Variants in SLC35D4 observed in about 807,000 individuals in gnomAD.
SLC35D4 encodes solute carrier family 35 member D4.
At chr18:23,393,236 G>A in the SLC35D4 span, among the ~76,000 whole-genome samples, 4 of 149,342 alleles carry the variant, frequency 2.7e-5, no homozygotes, top group Admixed American at 2.7e-4. Context: ...TTTTTTTATT[G>A]TGGTAAAATA....
the SLC35D4 span, chr18:23,298,037 C>T: frequency 6.2e-7 from 1 of 1,613,830 alleles, no homozygotes; most frequent in South Asian, 1.1e-5. Context: ...AGAAAACCAG[C>T]AAGGCCTCTC....
the SLC35D4 span, among the ~76,000 whole-genome samples, chr18:23,344,125 A>AAGGTGTTGGAT: frequency 2.6e-5 from 4 of 151,960 alleles, no homozygotes; most frequent in Non-Finnish European, 5.9e-5. Context: ...CAGGTGATCC[A>AAGGTGTTGGAT]CCTGCCTCTG....
the SLC35D4 span, among the ~76,000 whole-genome samples, chr18:23,391,391 A>C: frequency 6.6e-6 from 1 of 152,178 alleles, no homozygotes; most frequent in African/African-American, 2.4e-5. Context: ...ATGTGCACTA[A>C]GAATTCTAGA....
chr18:23,381,822 C>T, the SLC35D4 span, among the ~76,000 whole-genome samples: 1 of 152,210 alleles, frequency 6.6e-6, no homozygotes, highest in African/African-American at 2.4e-5. Context: ...CTACCGTCAC[C>T]CTCATCTACA....
the SLC35D4 span, among the ~76,000 whole-genome samples, chr18:23,335,274 C>T: frequency 6.6e-6 from 1 of 152,196 alleles, no homozygotes; most frequent in Non-Finnish European, 1.5e-5. Flanking sequence ...TCCAAATTTA[C>T]ATGTCATGCC....
At chr18:23,309,328 T>C in the SLC35D4 span, among the ~76,000 whole-genome samples, 14 of 151,984 alleles carry the variant, frequency 9.2e-5, no homozygotes, top group Non-Finnish European at 1.9e-4. Flanking sequence ...TGCATATACA[T>C]ACATATATAT....
chr18:23,422,818 C>T, the SLC35D4 span, among the ~76,000 whole-genome samples: 4 of 152,136 alleles, frequency 2.6e-5, no homozygotes, highest in African/African-American at 9.7e-5. Context: ...CACCCCTCCC[C>T]CCCCCAATGC....
chr18:23,402,371 G>C, the SLC35D4 span, among the ~76,000 whole-genome samples: 1 of 152,160 alleles, frequency 6.6e-6, no homozygotes, highest in African/African-American at 2.4e-5. Flanking sequence ...AAATCATAGA[G>C]TATATGCTAA....
chr18:23,288,324 T>A, the SLC35D4 span, among the ~76,000 whole-genome samples: 3 of 152,338 alleles, frequency 2.0e-5, no homozygotes, highest in African/African-American at 7.2e-5. Flanking sequence ...AGCCCGCCTC[T>A]TAGAACCTCT....
chr18:23,288,426 C>T, the SLC35D4 span, among the ~76,000 whole-genome samples: 5 of 152,168 alleles, frequency 3.3e-5, no homozygotes, highest in East Asian at 1.9e-4. Context: ...ATTCAGGCCC[C>T]GTCCCTTCCC....
At chr18:23,423,997 A>G in the SLC35D4 span, among the ~76,000 whole-genome samples, 1 of 152,174 alleles carries the variant, frequency 6.6e-6, no homozygotes, top group Admixed American at 6.6e-5. Flanking sequence ...CATGGGAGTG[A>G]CACGTCGCAT....
chr18:23,356,768 C>T, the SLC35D4 span: 1 of 931,606 alleles, frequency 1.1e-6, no homozygotes, highest in Non-Finnish European at 1.7e-6. The surrounding 1 kb of genome is among the most constrained non-coding windows in gnomAD (Gnocchi z 4.1). Flanking sequence ...CAGTCCTGTG[C>T]TTTCAGTCCC....
At chr18:23,253,793 A>G in the SLC35D4 span, 22 of 1,614,104 alleles carry the variant, frequency 1.4e-5, 1 homozygote, top group Non-Finnish European at 1.8e-5. Context: ...CACGGTGGCC[A>G]TGGCCTTCGT....
At chr18:23,268,830 ATAC>A in the SLC35D4 span, among the ~76,000 whole-genome samples, 347 of 151,848 alleles carry the variant, frequency 2.3e-3, 4 homozygotes, top group South Asian at 0.024. Context: ...GTGTGTATAC[ATAC>A]TACAACAATA....
chr18:23,363,626 A>G, the SLC35D4 span, among the ~76,000 whole-genome samples: 1 of 152,046 alleles, frequency 6.6e-6, no homozygotes, highest in Non-Finnish European at 1.5e-5. Flanking sequence ...CACCCGCCTC[A>G]GCCTCCCAAA....
the SLC35D4 span, among the ~76,000 whole-genome samples, chr18:23,371,935 G>GTTTTTTTGTTTT: frequency 5.6e-5 from 2 of 35,478 alleles, no homozygotes; most frequent in African/African-American, 2.4e-4. Flanking sequence ...TGTTTTTTTT[G>GTTTTTTTGTTTT]TTTTTTTTTT....
chr18:23,338,778 G>A, the SLC35D4 span, among the ~76,000 whole-genome samples: 3 of 152,058 alleles, frequency 2.0e-5, no homozygotes, highest in Non-Finnish European at 2.9e-5. Flanking sequence ...CCCACAATGC[G>A]CTCCAGGTTC....
the SLC35D4 span, among the ~76,000 whole-genome samples, chr18:23,414,362 G>GCA: frequency 6.7e-6 from 1 of 150,194 alleles, no homozygotes; most frequent in Non-Finnish European, 1.5e-5. Context: ...AGGCAGGAAG[G>GCA]GGAAAGAGAG....
the SLC35D4 span, among the ~76,000 whole-genome samples, chr18:23,272,657 G>A: frequency 5.3e-5 from 8 of 151,896 alleles, no homozygotes; most frequent in East Asian, 1.9e-4. Context: ...TTTTATCCTC[G>A]CACTCAGCCA....
Sources: gnomAD v4.1 joint callset for allele counts (sites outside exome capture counted in the v4.1 genomes callset) on GRCh38, gnomAD v4.1.1 for gene constraint, Gnocchi (gnomAD v3.1) non-coding constraint, MANE v1.5 for transcripts, NCBI Gene and HGNC (gene_info 2026-07-23, HGNC 2026-07-21) for gene names.